Variants in TMEM38B observed in about 807,000 individuals in gnomAD.
TMEM38B encodes transmembrane protein 38B.
A neutral mutation model predicts 28.7 loss-of-function variants in TMEM38B; 24 were observed. That is an observed-to-expected ratio of 0.84 (90% CI 0.61 to 1.18). The LOEUF (loss-of-function observed/expected upper bound fraction) is 1.18. Ranked by LOEUF, TMEM38B falls within the 50% of genes most tolerant of loss-of-function variation. The pLI is 0.00. For synonymous variants in TMEM38B, 131 were observed against 127.7 expected (o/e 1.03, Z -0.17); for missense variants, 380 against 350.9 (o/e 1.08, Z -0.66).
chr9:105,728,965 A>G (rs111468996), intron 4 of TMEM38B, among the ~76,000 whole-genome samples: 199 of 152,088 alleles, frequency 1.3e-3, no homozygotes, highest in African/African-American at 4.6e-3. Flanking sequence ...AGTTCTTTGT[A>G]GATTCTGGAT....
At chr9:105,749,642 A>G (rs1015666863) in intron 5 of TMEM38B, among the ~76,000 whole-genome samples, 2 of 152,216 alleles carry the variant, frequency 1.3e-5, no homozygotes, top group African/African-American at 2.4e-5. Flanking sequence ...GATTTGTGCA[A>G]TTATCACTAC....
Position 105,746,490 on chromosome 9 carries a change from C to G in TMEM38B, c.543-1583C>G, listed in dbSNP as rs530537870. Among the ~76,000 whole-genome samples the G allele has an allele frequency of 5.9e-5, 9 of 152,208 alleles. No individual in the cohort carries two copies. The South Asian group carries it at 1.7e-3, about 28-fold the overall frequency. Reference sequence around the variant, plus strand: ...AGGAGATTTTGGGCTGAGACGATGGCGTTTTCTAAATATACAATCATGTCA... The same window carrying G: ...AGGAGATTTTGGGCTGAGACGATGGGGTTTTCTAAATATACAATCATGTCA... On this transcript the variant is annotated intron_variant, in intron 4 of 5. Transcript: ENST00000374692.
chr9:105,696,537 T>G (rs557157328), intron 1 of TMEM38B, among the ~76,000 whole-genome samples: 10 of 152,354 alleles, frequency 6.6e-5, no homozygotes, highest in Non-Finnish European at 1.0e-4. Flanking sequence ...TTTAATACAT[T>G]TACTTTTTAA....
At chr9:105,696,036 T>A (rs1835277321) in intron 1 of TMEM38B, among the ~76,000 whole-genome samples, 1 of 152,246 alleles carries the variant, frequency 6.6e-6, no homozygotes. Flanking sequence ...TCTCTGACAC[T>A]GCCAGTTTAA....
chr9:105,771,419 T>C (rs1826539282), intron 5 of TMEM38B, among the ~76,000 whole-genome samples: 1 of 152,086 alleles, frequency 6.6e-6, no homozygotes, highest in African/African-American at 2.4e-5. Context: ...CTTTTGGGAG[T>C]GGAGATTCTA....
At chr9:105,756,668 T>A (rs1268826592) in intron 5 of TMEM38B, among the ~76,000 whole-genome samples, 1 of 152,186 alleles carries the variant, frequency 6.6e-6, no homozygotes, top group African/African-American at 2.4e-5. Flanking sequence ...TAAAGTTCTG[T>A]ATTTTAACAC....
intron 4 of TMEM38B, among the ~76,000 whole-genome samples, chr9:105,743,085 CAAAG>C (rs1468960664): frequency 1.3e-4 from 19 of 151,876 alleles, no homozygotes; most frequent in Admixed American, 9.8e-4. Context: ...AAGAAAAAAA[CAAAG>C]AAGAAGAAAA....
intron 1 of TMEM38B, among the ~76,000 whole-genome samples, chr9:105,697,459 G>T (rs1394943234): frequency 1.3e-5 from 2 of 152,068 alleles, no homozygotes; most frequent in Non-Finnish European, 2.9e-5. Context: ...TCTATTATTG[G>T]TCTTCAATAT....
rs1173457924 is a variant in TMEM38B, at chr9:105,740,476, A to G, written c.543-7597A>G. ...GAGACCAGGTTTCACCAGGTTGCCC[A>G]GGCTGGTCTTGAACTCGTGAGGTCA... is the stretch of plus-strand genomic sequence containing the variant. On this transcript the variant is annotated intron_variant, in intron 4 of 5. Coordinates refer to ENST00000374692, the MANE Select transcript of TMEM38B (RefSeq NM_018112.3). 2.6e-5 allele frequency among the ~76,000 whole-genome samples: 4 copies of G among 152,016 alleles called. No individual in the cohort carries two copies. In the South Asian group the frequency reaches 8.3e-4, roughly 32 times the overall value.
At position 105,774,236 on chromosome 9, in the gene TMEM38B, C is replaced by G. The variant is rs897981766; in HGVS notation, c.*156C>G. The G allele has an allele frequency of 8.0e-6, 5 of 628,044 alleles. No homozygotes were observed. In the African/African-American group the frequency reaches 9.2e-5, roughly 12 times the overall value. The allele number at this position is 628,044 out of a possible 1,614,324, so 38.9% of individuals were successfully genotyped here. A position where few individuals can be genotyped will look rare whatever the true frequency, so the allele number is the denominator to read the frequency against. Reference sequence around the variant, plus strand: ...AATTCTTTGTTTGAGGGAGACTTCCCCTTTCTGGATTGTATTTGTAGAGTG... The same window carrying G: ...AATTCTTTGTTTGAGGGAGACTTCCGCTTTCTGGATTGTATTTGTAGAGTG... On this transcript the variant is annotated 3_prime_UTR_variant, in exon 6 of 6. Transcript: ENST00000374692.
intron 4 of TMEM38B, among the ~76,000 whole-genome samples, chr9:105,747,175 G>A (rs1042190678): frequency 6.6e-6 from 1 of 152,178 alleles, no homozygotes; most frequent in African/African-American, 2.4e-5. Context: ...TTGTACCTCT[G>A]GTAGAATTTG....
intron 5 of TMEM38B, among the ~76,000 whole-genome samples, chr9:105,751,193 T>G (rs1837634550): frequency 1.3e-5 from 2 of 152,152 alleles, no homozygotes; most frequent in South Asian, 4.1e-4. Flanking sequence ...GTTCTTGCAT[T>G]GGGACTGTCT....
At chr9:105,751,744 G>A (rs539507245) in intron 5 of TMEM38B, among the ~76,000 whole-genome samples, 78 of 152,198 alleles carry the variant, frequency 5.1e-4, no homozygotes, top group Non-Finnish European at 1.0e-3. Context: ...AGACTCAGCC[G>A]TTCCAGCCTG....
chr9:105,708,520 A>T (rs1440477909), intron 2 of TMEM38B, among the ~76,000 whole-genome samples: 2 of 152,202 alleles, frequency 1.3e-5, no homozygotes, highest in Admixed American at 1.3e-4. Context: ...TAAGAACAAT[A>T]TCCCAAACTT....
intron 1 of TMEM38B, 36 bp downstream of exon 1, chr9:105,694,808 G>T: frequency 1.4e-6 from 2 of 1,466,008 alleles, no homozygotes; most frequent in Non-Finnish European, 1.9e-6. Context: ...ACCCCTCAGA[G>T]TGCTCCTGAC....
intron 5 of TMEM38B, among the ~76,000 whole-genome samples, chr9:105,752,861 A>T (rs28797537): frequency 6.6e-6 from 1 of 152,196 alleles, no homozygotes; most frequent in Non-Finnish European, 1.5e-5. Flanking sequence ...GTGAGTAATA[A>T]TGAGCTTCAC....
chr9:105,751,919 G>A (rs1837668393), intron 5 of TMEM38B, among the ~76,000 whole-genome samples: 1 of 152,120 alleles, frequency 6.6e-6, no homozygotes, highest in Non-Finnish European at 1.5e-5. Context: ...CTTCAGAAGG[G>A]TTCTATTGGG....
At chr9:105,732,513 T>A (rs533277984) in intron 4 of TMEM38B, among the ~76,000 whole-genome samples, 8 of 152,140 alleles carry the variant, frequency 5.3e-5, no homozygotes, top group Admixed American at 5.2e-4. Flanking sequence ...ATGCAGTTTC[T>A]GTTTTCTACA....
intron 4 of TMEM38B, among the ~76,000 whole-genome samples, chr9:105,723,408 A>ATT (rs33912236): frequency 7.1e-6 from 1 of 140,300 alleles, no homozygotes. Flanking sequence ...TTGTAATTGT[A>ATT]TTTTTTTTTT....
Sources: allele counts gnomAD v4.1 joint callset (sites outside exome capture counted in the v4.1 genomes callset), GRCh38; gene constraint gnomAD v4.1.1; transcripts MANE v1.5; gene names NCBI Gene and HGNC (gene_info 2026-07-23, HGNC 2026-07-21).